Variants in RAD21 observed in about 807,000 individuals in gnomAD.
RAD21 encodes RAD21 cohesin complex component.
Under a neutral mutation model 71.5 loss-of-function variants are expected in RAD21, and 18 were observed. The ratio of observed to expected loss-of-function variants is 0.25; its 90% CI spans 0.17 to 0.37. RAD21 has a LOEUF of 0.37. Among genes scored for constraint, RAD21 ranks in the 10% least tolerant of loss-of-function variants. The pLI is 1.00. For synonymous variants in RAD21, 248 were observed against 254.0 expected, an observed-to-expected ratio of 0.98 and a Z score of 0.22; for missense variants, 493 against 769.1, an observed-to-expected ratio of 0.64 and a Z score of 4.25.
At chr8:116,858,837 T>C (rs917864304) in intron 4 of RAD21, among the ~76,000 whole-genome samples, 2 of 152,038 alleles carry the variant, frequency 1.3e-5, no homozygotes, top group African/African-American at 2.4e-5. Context: ...TTTCTTTCTC[T>C]AATAAAGAAT....
intron 8 of RAD21, 26 bp from the exon 9 acceptor site, chr8:116,854,494 C>A: frequency 6.4e-7 from 1 of 1,573,592 alleles, no homozygotes; most frequent in Non-Finnish European, 8.7e-7. Context: ...AAAATAAGAT[C>A]ATTTTCCTGA....
chr8:116,850,720 T>C lies in RAD21; in HGVS notation c.1518A>G (p.Pro506=). Residue 506 remains proline, a synonymous_variant, in exon 12 of 14, where the codon CCA becomes CCG. Transcript: ENST00000297338. ...QMEIPPVELP[P]EEPPNICQLI... Reference sequence around the variant, plus strand: ...GCTGACAGATATTTGGAGGTTCTTCTGGGGGAAGCTCTACAGGTGGTATTT... The same window carrying C: ...GCTGACAGATATTTGGAGGTTCTTCCGGGGGAAGCTCTACAGGTGGTATTT... 3 of 1,613,486 alleles carry C rather than the reference T, an allele frequency of 1.9e-6. No homozygotes were observed. Among genetic ancestry groups the C allele is most frequent in the Non-Finnish European group, 2.5e-6 (3 of 1,179,516 alleles).
intron 4 of RAD21, among the ~76,000 whole-genome samples, chr8:116,861,513 ACT>A (rs1468864988): frequency 1.3e-5 from 2 of 151,218 alleles, no homozygotes; most frequent in Non-Finnish European, 2.9e-5. Flanking sequence ...TTAATATATA[ACT>A]CTGAAAAATA....
At chr8:116,863,997 T>A (rs527675587) in intron 2 of RAD21, among the ~76,000 whole-genome samples, 11 of 149,896 alleles carry the variant, frequency 7.3e-5, no homozygotes, top group African/African-American at 1.7e-4. Flanking sequence ...CATACCGATT[T>A]AAAAAAAAAA....
Position 116,862,545 on chromosome 8 carries a change from A to G in RAD21, c.274+585T>C, listed in dbSNP as rs16888976. ...GTACTAGAATGTATCCTCAGTAGAA[A>G]CTGTTTAAGGCATTTCTTAATAAAA... On this transcript the variant is annotated intron_variant, in intron 3 of 13. Transcript: ENST00000297338. 1.9e-3 allele frequency among the ~76,000 whole-genome samples: 289 copies of G among 152,212 alleles called. 1 individual carries two copies. Among genetic ancestry groups the G allele is most frequent in the Middle Eastern group, 3.4e-3 (1 of 294 alleles).
chr8:116,850,256 C>T (rs1445308804), intron 12 of RAD21, among the ~76,000 whole-genome samples: 5 of 152,062 alleles, frequency 3.3e-5, no homozygotes, highest in African/African-American at 1.2e-4. Context: ...GATTTCCAGG[C>T]CACCACAGAT....
chr8:116,872,543 C>T (rs934733850), intron 1 of RAD21, among the ~76,000 whole-genome samples: 8 of 140,040 alleles, frequency 5.7e-5, no homozygotes, highest in East Asian at 2.7e-4. Flanking sequence ...TATACATACA[C>T]ACACACACAC....
In RAD21 at chr8:116,866,779, A is replaced by G. The variant is rs770188497; in HGVS notation, c.-32-18T>C. ...AAGAAAACCTAAGAGGGGAAAAAAA[A>G]GTTAATGTAAACATCATCTGACAAT... On this transcript the variant is annotated intron_variant, in intron 1 of 13. Transcript: ENST00000297338. The G allele has an allele frequency of 1.1e-5, 16 of 1,497,028 alleles. No individual in the cohort carries two copies. The Admixed American group carries it at 3.4e-4, about 32-fold the overall frequency. 92.7% of individuals were successfully genotyped at this position (1,497,028 alleles called of 1,614,324 possible).
At chr8:116,859,997 G>A (rs560954413) in intron 4 of RAD21, among the ~76,000 whole-genome samples, 13 of 152,230 alleles carry the variant, frequency 8.5e-5, no homozygotes, top group Non-Finnish European at 1.5e-4. Flanking sequence ...AAGTTTCAGT[G>A]GTATAGACAG....
At position 116,852,630 on chromosome 8, in the gene RAD21, C is replaced by A. The variant is rs1419651477; in HGVS notation, c.1240G>T (p.Asp414Tyr). ...RRKGGEADNL[D>Y]EFLKEFENPE... ...TTTTCAAATTCTTTGAGGAATTCAT[C>A]CAAATTATCTGCCTCTCCTCCTTTC... Residue 414 changes from aspartate (D) to tyrosine (Y), a missense_variant, in exon 10 of 14, where the codon GAT becomes TAT. Asp to Tyr is a radical substitution (Grantham distance 160). Transcript: ENST00000297338. 1 of 1,613,332 alleles carries A rather than the reference C, an allele frequency of 6.2e-7. No homozygotes were observed. Among genetic ancestry groups the A allele is most frequent in the Non-Finnish European group, 8.5e-7 (1 of 1,179,632 alleles).
intron 12 of RAD21, among the ~76,000 whole-genome samples, chr8:116,850,389 C>T (rs773392625): frequency 6.6e-6 from 1 of 152,182 alleles, no homozygotes; most frequent in Non-Finnish European, 1.5e-5. Flanking sequence ...AAGGACAATT[C>T]CATGTCCTTC....
Position 116,852,583 on chromosome 8 carries a change from G to C in RAD21, c.1287C>G (p.Asp429Glu). 1.2e-6 allele frequency: 2 copies of C among 1,612,964 alleles called. No individual in the cohort carries two copies. The highest frequency in any genetic ancestry group is 1.7e-6 in the Non-Finnish European group (2 of 1,179,460). Reference sequence around the variant, plus strand: ...CACGCTGCTGATGCTGCTGTTGCTGGTCCTCTCTAGGAACCTCTGGATTTT... The same window carrying C: ...CACGCTGCTGATGCTGCTGTTGCTGCTCCTCTCTAGGAACCTCTGGATTTT... Reference protein sequence around the residue: ...EFENPEVPREDQQQQHQQRDV... With the variant: ...EFENPEVPREEQQQQHQQRDV... Residue 429 changes from aspartate (D) to glutamate (E), a missense_variant, in exon 10 of 14, where the codon GAC becomes GAG. Physicochemically the swap from Asp to Glu is conservative, Grantham distance 45. Transcript: ENST00000297338.
At chr8:116,856,613 C>T (rs1812473619) in intron 7 of RAD21, 33 bp downstream of exon 7, 1 of 1,549,838 alleles carries the variant, frequency 6.5e-7, no homozygotes. Flanking sequence ...GCCATACAAT[C>T]ATCCCCAGAA....
rs1812480692 is a variant in RAD21 at position 116,856,875 on chromosome 8, A to G, written c.689-104T>C. ...ATTATGTTAAAAGGGATAAAATTTA[A>G]ACGTATACTCAACTTTTATCTGTTT... On this transcript the variant is annotated intron_variant, in intron 6 of 13. Transcript: ENST00000297338. 3.7e-6 allele frequency: 3 copies of G among 806,172 alleles called. No individual in the cohort carries two copies. The East Asian group carries it at 8.9e-5, about 24-fold the overall frequency. 49.9% of individuals were successfully genotyped at this position (806,172 alleles called of 1,614,324 possible).
chr8:116,854,967 C>T (rs1015594568), intron 8 of RAD21, among the ~76,000 whole-genome samples: 3 of 152,140 alleles, frequency 2.0e-5, no homozygotes, highest in Admixed American at 2.0e-4. Context: ...GTCAGATAGA[C>T]CTGTTAACTC....
intron 11 of RAD21, 159 bp downstream of exon 11, chr8:116,851,789 G>A (rs1376791155): frequency 3.3e-6 from 2 of 610,988 alleles, no homozygotes; most frequent in Admixed American, 3.0e-5. Flanking sequence ...CTCTCACTCC[G>A]AGTGGACTGT....
intron 8 of RAD21, among the ~76,000 whole-genome samples, chr8:116,855,714 TTTTTA>T (rs760608747): frequency 6.6e-5 from 10 of 151,990 alleles, no homozygotes; most frequent in Non-Finnish European, 4.4e-5. Context: ...TTTTGTTTTT[TTTTTA>T]AAAAGAATAC....
At position 116,849,011 on chromosome 8, in the gene RAD21, C is replaced by A; in HGVS notation, c.1639G>T (p.Gly547Cys). The A allele has an allele frequency of 6.3e-7, 1 of 1,593,482 alleles. No homozygotes were observed. Among genetic ancestry groups the A allele is most frequent in the African/African-American group, 1.4e-5 (1 of 73,790 alleles). The change falls in exon 13 of 14, where the codon GGC becomes TGC. Residue 547 changes from glycine to cysteine, a missense_variant. Gly to Cys is a radical substitution (Grantham distance 159). Around this residue, in one of 5 missense-constraint regions of RAD21, gnomAD observed 225 missense variants for 218.3 expected, o/e 1.03. Coordinates refer to ENST00000297338, the MANE Select transcript of RAD21 (RefSeq NM_006265.3). ...CTTCTTTCTTCCTGATCTTGATCGCCCCCTGATGCATCTTCATCCTGAATA... is the reference window on the plus strand; with the variant it reads ...CTTCTTTCTTCCTGATCTTGATCGCACCCTGATGCATCTTCATCCTGAATA... ...EEEEDEDASG[G>C]DQDQEERRWN...
At chr8:116,858,515 T>A in intron 4 of RAD21, 57 bp from the exon 5 acceptor site, 22 of 1,360,112 alleles carry the variant, frequency 1.6e-5, no homozygotes, top group Non-Finnish European at 2.1e-5. Context: ...GAAAAACAAA[T>A]CCCAATTCTC....
Sources: allele counts gnomAD v4.1 joint callset (sites outside exome capture counted in the v4.1 genomes callset), GRCh38; gene constraint gnomAD v4.1.1; regional missense constraint gnomAD v4.1.1; transcripts MANE v1.5; gene names NCBI Gene and HGNC (gene_info 2026-07-23, HGNC 2026-07-21).